SAMTOR: variants seen among roughly 807,000 people sequenced by gnomAD.
The protein encoded by SAMTOR is UPF0532 protein C7orf60.
At chr7:112,929,216 T>C in the SAMTOR span, among the ~76,000 whole-genome samples, 4 of 149,670 alleles carry the variant, frequency 2.7e-5, no homozygotes, top group African/African-American at 5.0e-5. Flanking sequence ...CCAAAAGATA[T>C]ATAAAAAAAA....
chr7:112,924,943 G>A, the SAMTOR span, among the ~76,000 whole-genome samples: 1 of 152,056 alleles, frequency 6.6e-6, no homozygotes. Flanking sequence ...AAAGAAAAAA[G>A]GGTGAAGTTT....
At chr7:112,864,542 C>T in the SAMTOR span, among the ~76,000 whole-genome samples, 1 of 152,116 alleles carries the variant, frequency 6.6e-6, no homozygotes, top group Non-Finnish European at 1.5e-5. Flanking sequence ...AAGAATGATT[C>T]TTAAACAAAT....
the SAMTOR span, among the ~76,000 whole-genome samples, chr7:112,867,901 G>T: frequency 6.6e-6 from 1 of 152,160 alleles, no homozygotes; most frequent in East Asian, 1.9e-4. Context: ...GGAGGTGAGC[G>T]GCCAGTAAGC....
At chr7:112,939,496 A>C in the SAMTOR span, 1 of 1,581,036 alleles carries the variant, frequency 6.3e-7, no homozygotes. Flanking sequence ...GATCCTTTAC[A>C]TTTTAATGGT....
chr7:112,841,649 G>C, the SAMTOR span, among the ~76,000 whole-genome samples: 321 of 152,196 alleles, frequency 2.1e-3, 1 homozygote, highest in African/African-American at 7.4e-3. Flanking sequence ...AACAAAGCTG[G>C]AGGCATCACA....
chr7:112,869,336 C>T, the SAMTOR span, among the ~76,000 whole-genome samples: 3 of 152,020 alleles, frequency 2.0e-5, no homozygotes, highest in South Asian at 4.2e-4. Context: ...GCTTCTTTTG[C>T]CTCTGTCGCC....
chr7:112,890,370 C>G, the SAMTOR span, among the ~76,000 whole-genome samples: 2 of 151,930 alleles, frequency 1.3e-5, no homozygotes, highest in East Asian at 1.9e-4. Flanking sequence ...CAACCCCCCC[C>G]ACCTCTGAAA....
the SAMTOR span, among the ~76,000 whole-genome samples, chr7:112,902,199 T>C: frequency 6.6e-6 from 1 of 151,390 alleles, no homozygotes; most frequent in Non-Finnish European, 1.5e-5. Flanking sequence ...GGTCAGGAGT[T>C]TGAGACCAGC....
the SAMTOR span, among the ~76,000 whole-genome samples, chr7:112,879,416 A>T: frequency 6.6e-6 from 1 of 152,184 alleles, no homozygotes; most frequent in East Asian, 1.9e-4. Context: ...ACTTATTTTT[A>T]AAAAACAGGT....
chr7:112,891,249 G>A, the SAMTOR span, among the ~76,000 whole-genome samples: 4 of 152,112 alleles, frequency 2.6e-5, no homozygotes, highest in Non-Finnish European at 5.9e-5. Context: ...TTAGTAAGTC[G>A]TTATGCATTA....
chr7:112,883,059 T>C, the SAMTOR span, among the ~76,000 whole-genome samples: 1 of 152,178 alleles, frequency 6.6e-6, no homozygotes, highest in African/African-American at 2.4e-5. Context: ...TGCAGTATAT[T>C]ACTCTTTGTC....
At chr7:112,917,078 C>T in the SAMTOR span, among the ~76,000 whole-genome samples, 2 of 152,168 alleles carry the variant, frequency 1.3e-5, no homozygotes, top group African/African-American at 4.8e-5. Context: ...CCCTGTCTGA[C>T]GGCTTTGAAG....
At chr7:112,925,919 T>C in the SAMTOR span, among the ~76,000 whole-genome samples, 4 of 152,048 alleles carry the variant, frequency 2.6e-5, no homozygotes, top group Non-Finnish European at 5.9e-5. Flanking sequence ...AAAAAACTAA[T>C]ACAAGGTTGC....
At chr7:112,858,878 C>G in the SAMTOR span, among the ~76,000 whole-genome samples, 1 of 152,168 alleles carries the variant, frequency 6.6e-6, no homozygotes, top group African/African-American at 2.4e-5. Flanking sequence ...ACTTCAGACC[C>G]TGTGATGATT....
the SAMTOR span, among the ~76,000 whole-genome samples, chr7:112,831,058 G>A: frequency 6.6e-6 from 1 of 151,258 alleles, no homozygotes; most frequent in Non-Finnish European, 1.5e-5. Context: ...AAATATACTA[G>A]GCACTCTTCT....
the SAMTOR span, among the ~76,000 whole-genome samples, chr7:112,902,389 C>A: frequency 8.3e-6 from 1 of 120,490 alleles, no homozygotes; most frequent in Non-Finnish European, 1.6e-5. Flanking sequence ...GCACTCCAGC[C>A]TGGGCAACAA....
the SAMTOR span, among the ~76,000 whole-genome samples, chr7:112,858,114 G>C: frequency 4.4e-4 from 67 of 152,268 alleles, no homozygotes; most frequent in African/African-American, 1.3e-3. Flanking sequence ...CTACCCATGT[G>C]AATGGCTTAC....
At chr7:112,822,610 C>T in the SAMTOR span, among the ~76,000 whole-genome samples, 2 of 151,982 alleles carry the variant, frequency 1.3e-5, no homozygotes, top group Non-Finnish European at 2.9e-5. Context: ...TTTTGCCTAA[C>T]AATTTAAAAT....
chr7:112,893,900 T>A, the SAMTOR span, among the ~76,000 whole-genome samples: 1 of 152,224 alleles, frequency 6.6e-6, no homozygotes, highest in Non-Finnish European at 1.5e-5. Context: ...AGACTCCGTC[T>A]CAAAAATAAA....
Sources: allele counts gnomAD v4.1 joint callset (sites outside exome capture counted in the v4.1 genomes callset), GRCh38; gene constraint gnomAD v4.1.1; transcripts MANE v1.5; gene names NCBI Gene and HGNC (gene_info 2026-07-23, HGNC 2026-07-21).